TNKS: variants seen among roughly 807,000 people sequenced by gnomAD.
TNKS encodes poly [ADP-ribose] polymerase tankyrase-1.
In TNKS, 72 loss-of-function variants were observed where a neutral mutation model predicts 135.8. That is an observed-to-expected ratio of 0.53 (90% CI 0.44 to 0.64). The LOEUF (loss-of-function observed/expected upper bound fraction) is 0.64. Ranked by LOEUF, TNKS falls within the 30% of genes least tolerant of loss-of-function variation. The pLI is 0.00. For synonymous variants in TNKS, 849 were observed against 649.3 expected, an observed-to-expected ratio of 1.31 and a Z score of -4.68; for missense variants, 1,769 against 1,674.0, an observed-to-expected ratio of 1.06 and a Z score of -0.99.
At chr8:9,617,515 G>C (rs1163730716) in intron 3 of TNKS, among the ~76,000 whole-genome samples, 1 of 152,104 alleles carries the variant, frequency 6.6e-6, no homozygotes, top group Non-Finnish European at 1.5e-5. Flanking sequence ...AATTTTGTTG[G>C]AATATAAACC....
intron 20 of TNKS, among the ~76,000 whole-genome samples, chr8:9,759,951 C>T (rs188453632): frequency 4.7e-5 from 7 of 149,708 alleles, no homozygotes; most frequent in East Asian, 3.9e-4. Flanking sequence ...GCACTCCAGC[C>T]GGGGCGACAG....
chr8:9,575,128 C>G (rs1369987606), intron 1 of TNKS: 1 of 951,710 alleles, frequency 1.1e-6, no homozygotes, highest in Non-Finnish European at 1.3e-6. Flanking sequence ...GCTCTGTTGC[C>G]CAGGCTGGAG....
intron 3 of TNKS, among the ~76,000 whole-genome samples, chr8:9,663,414 C>T (rs948361114): frequency 6.6e-6 from 1 of 152,178 alleles, no homozygotes; most frequent in Non-Finnish European, 1.5e-5. Flanking sequence ...GAAAAGAAAC[C>T]TCTTTTTTGT....
chr8:9,618,236 C>G (rs1030005855), intron 3 of TNKS, among the ~76,000 whole-genome samples: 2 of 152,162 alleles, frequency 1.3e-5, no homozygotes, highest in Non-Finnish European at 2.9e-5. Flanking sequence ...ACCTGTCTGC[C>G]TGACAGTCTC....
intron 13 of TNKS, among the ~76,000 whole-genome samples, chr8:9,729,215 G>T (rs905237356): frequency 2.6e-5 from 4 of 152,164 alleles, no homozygotes; most frequent in East Asian, 1.9e-4. Flanking sequence ...GGAAGAGTCC[G>T]CATGACCCAG....
chr8:9,616,615 G>A (rs1355207689), intron 3 of TNKS, among the ~76,000 whole-genome samples: 2 of 152,102 alleles, frequency 1.3e-5, no homozygotes, highest in Non-Finnish European at 2.9e-5. Context: ...AAGGGAAAAC[G>A]TTTATGTACA....
intron 4 of TNKS, 126 bp downstream of exon 4, chr8:9,680,113 C>T (rs1368861474): frequency 1.1e-5 from 7 of 665,100 alleles, no homozygotes; most frequent in Non-Finnish European, 1.9e-5. Context: ...TATGCAGATA[C>T]TAAATCTTTA....
At chr8:9,770,599 G>A (rs1188981688) in intron 26 of TNKS, among the ~76,000 whole-genome samples, 2 of 152,050 alleles carry the variant, frequency 1.3e-5, no homozygotes, top group Admixed American at 1.3e-4. Flanking sequence ...GCTGTTAGTG[G>A]GTCTTCATGG....
At chr8:9,751,941 G>A in intron 19 of TNKS, 95 bp downstream of exon 19, 1 of 1,074,856 alleles carries the variant, frequency 9.3e-7, no homozygotes, top group Admixed American at 2.1e-5. Flanking sequence ...GCCTCAATTA[G>A]AGACGTCCTG....
chr8:9,708,253 CTGT>C (rs1174268851), intron 8 of TNKS, 115 bp from the exon 9 acceptor site: 15 of 885,360 alleles, frequency 1.7e-5, no homozygotes, highest in East Asian at 3.0e-5. Context: ...CACATTGCTG[CTGT>C]TGTTAAAATA....
At chr8:9,609,682 TTG>T (rs1799373522) in intron 2 of TNKS, among the ~76,000 whole-genome samples, 1 of 152,122 alleles carries the variant, frequency 6.6e-6, no homozygotes, top group African/African-American at 2.4e-5. Flanking sequence ...ATTTTAGAAG[TTG>T]TGTTTTTGTT....
chr8:9,769,990 G>C (rs1020542502), intron 25 of TNKS, 116 bp from the exon 26 acceptor site: 6 of 873,002 alleles, frequency 6.9e-6, no homozygotes, highest in Middle Eastern at 2.6e-4. Context: ...ATCTGAAAAT[G>C]ACATTTAAAT....
intron 20 of TNKS, among the ~76,000 whole-genome samples, chr8:9,760,214 C>G (rs1304522498): frequency 1.3e-5 from 2 of 152,108 alleles, no homozygotes; most frequent in East Asian, 1.9e-4. Flanking sequence ...TATTTCAGAA[C>G]TGGGGTTTGT....
At chr8:9,560,889 T>C (rs751609050) in intron 1 of TNKS, among the ~76,000 whole-genome samples, 1 of 152,198 alleles carries the variant, frequency 6.6e-6, no homozygotes, top group Non-Finnish European at 1.5e-5. Context: ...AACTTTTAGT[T>C]AGAAAGATGT....
chr8:9,770,348 A>G, intron 26 of TNKS, 86 bp downstream of exon 26: 1 of 1,353,284 alleles, frequency 7.4e-7, no homozygotes, highest in Non-Finnish European at 1.0e-6. Flanking sequence ...GACACTTTTC[A>G]GTGAAATATC....
rs1802617894 is a variant in TNKS, at chr8:9,677,990, T to C, written c.995-1961T>C. On this transcript the variant is annotated intron_variant, in intron 3 of 26. Coordinates refer to ENST00000310430, the MANE Select transcript of TNKS (RefSeq NM_003747.3). The stretch of plus-strand genomic sequence containing the variant: ...CAGGAAGGCTTCCTTGACCCCCAAC[T>C]ACCCTTCCAATCATTAATCCCATTT... Among the ~76,000 whole-genome samples, 3 of 152,192 alleles carry C rather than the reference T, an allele frequency of 2.0e-5. No homozygotes were observed. In the South Asian group the frequency reaches 6.2e-4, roughly 32 times the overall value.
Position 9,770,057 on chromosome 8 carries a change from G to GT in TNKS, c.3741-48dup, listed in dbSNP as rs756476846. 5.9e-6 allele frequency: 9 copies of GT among 1,524,498 alleles called. No individual in the cohort carries two copies. The Admixed American group carries it at 5.9e-5, about 10-fold the overall frequency. The allele number at this position is 1,524,498 out of a possible 1,614,324, so 94.4% of individuals were successfully genotyped here. A position where few individuals can be genotyped will look rare whatever the true frequency, so the allele number is the denominator to read the frequency against. ...TAATAGATCTAGCAGTTATATTATT[G>GT]TAAGATTTAAAGCTTCCTTCAAAGC... On this transcript the variant is annotated intron_variant, in intron 25 of 26. Coordinates refer to ENST00000310430, the MANE Select transcript of TNKS (RefSeq NM_003747.3).
At chr8:9,623,224 A>T (rs572095541) in intron 3 of TNKS, among the ~76,000 whole-genome samples, 2 of 152,314 alleles carry the variant, frequency 1.3e-5, no homozygotes, top group East Asian at 3.9e-4. Context: ...ATGAACATTC[A>T]TTTGAAACCT....
intron 2 of TNKS, among the ~76,000 whole-genome samples, chr8:9,599,217 A>G (rs1490121192): frequency 2.6e-5 from 4 of 152,172 alleles, no homozygotes; most frequent in African/African-American, 9.7e-5. Flanking sequence ...TAGGGCTATT[A>G]TCAGTTTACC....
Sources: allele counts gnomAD v4.1 joint callset (sites outside exome capture counted in the v4.1 genomes callset), GRCh38; gene constraint gnomAD v4.1.1; transcripts MANE v1.5; gene names NCBI Gene and HGNC (gene_info 2026-07-23, HGNC 2026-07-21).